Variants in ZNF570 observed in about 807,000 individuals in gnomAD.
The protein encoded by ZNF570 is zinc finger protein 570.
ZNF570 carries 8 observed loss-of-function variants against 14.2 expected under a neutral mutation model. That is an observed-to-expected ratio of 0.56 (90% CI 0.33 to 1.02). The LOEUF is 1.02. Ranked by LOEUF, ZNF570 falls within the 50% of genes least tolerant of loss-of-function variation. The probability of loss-of-function intolerance (pLI) is 0.03; values close to 1 mark genes in which losing one functional copy is unlikely to be tolerated. For synonymous variants in ZNF570, 202 were observed against 207.6 expected, an observed-to-expected ratio of 0.97 and a Z score of 0.23; for missense variants, 559 against 624.9, an observed-to-expected ratio of 0.89 and a Z score of 1.12.
intron 4 of ZNF570, among the ~76,000 whole-genome samples, chr19:37,482,241 T>C (rs574371041): frequency 6.6e-6 from 1 of 152,224 alleles, no homozygotes; most frequent in Non-Finnish European, 1.5e-5. Flanking sequence ...GTTAGGCCAT[T>C]GCACTGCTAT....
chr19:37,473,559 C>T (rs1431367867), intron 2 of ZNF570, among the ~76,000 whole-genome samples: 9 of 151,976 alleles, frequency 5.9e-5, no homozygotes, highest in Admixed American at 5.2e-4. Flanking sequence ...TATCATAGGG[C>T]AACAGTTGAG....
Position 37,483,884 on chromosome 19 carries a change from G to T in ZNF570, c.262G>T (p.Glu88Ter). 6.3e-7 allele frequency: 1 copy of T among 1,590,300 alleles called. No individual in the cohort carries two copies. Among genetic ancestry groups the T allele is most frequent in the Non-Finnish European group, 8.5e-7 (1 of 1,171,056 alleles). Residue 88 changes from glutamate to a stop codon, truncating the protein, a stop_gained, in exon 5 of 5, where the codon GAG becomes TAG. Coordinates refer to ENST00000330173, the MANE Select transcript of ZNF570 (RefSeq NM_144694.5). LOFTEE classifies it low-confidence loss of function (END_TRUNC). ...ELTKGLCSGW[E>*]PICETEELTP... ...TTCTTATTATTACTTTTCAGGCTGG[G>T]AGCCTATATGTGAGACTGAAGAATT...
rs1438157090 is a variant in ZNF570, at chr19:37,483,997, G to A, written c.375G>A (p.Leu125=). 3.1e-6 allele frequency: 5 copies of A among 1,614,012 alleles called. No individual in the cohort carries two copies. In the South Asian group the frequency reaches 5.5e-5, roughly 18 times the overall value. ...GCTATAACCTTGAATACTCCAGTTT[G>A]AGAGAAGAGTGGAAATGTGAGGGCT... is the stretch of plus-strand genomic sequence containing the variant. ...LTSYNLEYSS[L]REEWKCEGYF... The change falls in exon 5 of 5, where the codon TTG becomes TTA. Residue 125 remains leucine, a synonymous_variant. Coordinates refer to ENST00000330173, the MANE Select transcript of ZNF570 (RefSeq NM_144694.5).
At chr19:37,482,229 G>T (rs555839028) in intron 4 of ZNF570, among the ~76,000 whole-genome samples, 138 of 152,300 alleles carry the variant, frequency 9.1e-4, no homozygotes, top group African/African-American at 3.2e-3. Flanking sequence ...GTCTCCATCT[G>T]TGTTAGGCCA....
At position 37,470,333 on chromosome 19, in the gene ZNF570, G is replaced by C. The variant is rs1263946886; in HGVS notation, c.-22G>C. The C allele has an allele frequency of 1.2e-6, 2 of 1,614,052 alleles. No individual in the cohort carries two copies. The highest frequency in any genetic ancestry group is 3.3e-5 in the Admixed American group (2 of 60,008). On this transcript the variant is annotated 5_prime_UTR_variant, in exon 2 of 5. Transcript: ENST00000330173. ...CTGAGGCCACTGCTATTTCCCAAGA[G>C]AAGAGCCAGGAGGAAGAAAGAATGG...
At chr19:37,474,457 C>CTTTTG (rs1290872230) in intron 2 of ZNF570, among the ~76,000 whole-genome samples, 3 of 151,986 alleles carry the variant, frequency 2.0e-5, no homozygotes, top group African/African-American at 7.2e-5. Flanking sequence ...GAGATAGTTT[C>CTTTTG]TTTTGTTTTG....
intron 4 of ZNF570, among the ~76,000 whole-genome samples, chr19:37,482,338 G>C (rs2042096586): frequency 6.6e-6 from 1 of 152,188 alleles, no homozygotes; most frequent in Non-Finnish European, 1.5e-5. Flanking sequence ...AGGAAGCATA[G>C]CGGCATCTTC....
At chr19:37,482,333 G>A (rs1384920816) in intron 4 of ZNF570, among the ~76,000 whole-genome samples, 1 of 152,184 alleles carries the variant, frequency 6.6e-6, no homozygotes, top group Non-Finnish European at 1.5e-5. Context: ...TGTACAGGAA[G>A]CATAGCGGCA....
rs896762189 is a variant in ZNF570, at chr19:37,485,906, G to C, written c.*673G>C. On this transcript the variant is annotated 3_prime_UTR_variant, in exon 5 of 5. Transcript: ENST00000330173. ...AAAAATACAAAATTAGCCGGGCGTG[G>C]TGGTGCACACTTGTAATCCCAGCTA... 3.3e-5 allele frequency: 5 copies of C among 152,238 alleles called. No homozygotes were observed. Among genetic ancestry groups the C allele is most frequent in the African/African-American group, 1.2e-4 (5 of 41,572 alleles). The allele number at this position is 152,238 out of a possible 1,614,324, so 9.4% of individuals were successfully genotyped here. A position where few individuals can be genotyped will look rare whatever the true frequency, so the allele number is the denominator to read the frequency against.
At chr19:37,479,664 T>C (rs2042064637) in intron 4 of ZNF570, among the ~76,000 whole-genome samples, 1 of 152,146 alleles carries the variant, frequency 6.6e-6, no homozygotes, top group African/African-American at 2.4e-5. Context: ...TTTTTTTATA[T>C]TTTGAAGGTA....
upstream of ZNF570, chr19:37,468,916 T>G: frequency 7.7e-6 from 2 of 260,522 alleles, no homozygotes; most frequent in Non-Finnish European, 1.2e-5. Context: ...TCCAGCACAA[T>G]TCTAGGAATT....
chr19:37,474,711 C>T (rs564127787), intron 2 of ZNF570, among the ~76,000 whole-genome samples: 2 of 151,972 alleles, frequency 1.3e-5, no homozygotes, highest in Admixed American at 6.6e-5. Flanking sequence ...CCACCTGCCT[C>T]GGCCTCCCAA....
chr19:37,469,603 C>T (rs151326594), intron 1 of ZNF570, 46 bp downstream of exon 1: 122 of 1,518,736 alleles, frequency 8.0e-5, no homozygotes, highest in Admixed American at 2.4e-4. Flanking sequence ...TGCCTGTCCA[C>T]GTCCTGTGTG....
At position 37,485,494 on chromosome 19, in the gene ZNF570, G is replaced by A; in HGVS notation, c.*261G>A. The A allele has an allele frequency of 3.0e-6, 1 of 335,416 alleles. No individual in the cohort carries two copies. The highest frequency in any genetic ancestry group is 5.0e-5 in the East Asian group (1 of 19,904). 20.8% of individuals were successfully genotyped at this position (335,416 alleles called of 1,614,324 possible). A position where few individuals can be genotyped will look rare whatever the true frequency, so the allele number is the denominator to read the frequency against. On this transcript the variant is annotated 3_prime_UTR_variant, in exon 5 of 5. Transcript: ENST00000330173. ...ACGATCTCAGCTCACTGCAACCTCT[G>A]ACTCCCAGCCTCTGCCTCCAGGGTT...
chr19:37,479,815 T>C (rs2042066274), intron 4 of ZNF570, among the ~76,000 whole-genome samples: 1 of 152,178 alleles, frequency 6.6e-6, no homozygotes. Flanking sequence ...TTGCCTTTTG[T>C]TAATATTTAC....
rs771541406 is a variant in ZNF570 at position 37,484,304 on chromosome 19, A to T, written c.682A>T (p.Ser228Cys). 2 of 1,613,738 alleles carry T rather than the reference A, an allele frequency of 1.2e-6. No homozygotes were observed. Among genetic ancestry groups the T allele is most frequent in the Non-Finnish European group, 1.7e-6 (2 of 1,179,946 alleles). The change falls in exon 5 of 5, where the codon AGC becomes TGC. Residue 228 changes from serine to cysteine, a missense_variant. Coordinates refer to ENST00000330173, the MANE Select transcript of ZNF570 (RefSeq NM_144694.5). ...ATGTAATGACTGTGAAAAAGTCTTC[A>T]GCCAGAGTTCATCCCTTACTCTTCA... The part of the protein sequence containing the change: ...LKCNDCEKVF[S>C]QSSSLTLHQR...
intron 2 of ZNF570, among the ~76,000 whole-genome samples, chr19:37,473,504 C>T (rs1364959071): frequency 1.3e-5 from 2 of 152,068 alleles, no homozygotes; most frequent in African/African-American, 2.4e-5. Flanking sequence ...TGTACTTCTC[C>T]AGAATTTGAT....
At chr19:37,469,194 G>C (rs932644167), upstream of ZNF570, 1 of 1,260,308 alleles carries the variant, frequency 7.9e-7, no homozygotes, top group Non-Finnish European at 1.0e-6. Flanking sequence ...AGGACCTGGT[G>C]GGGAGGAGGC....
chr19:37,479,431 T>C (rs2042061816), intron 4 of ZNF570, among the ~76,000 whole-genome samples: 1 of 152,238 alleles, frequency 6.6e-6, no homozygotes, highest in Admixed American at 6.5e-5. Context: ...TTGGTAAATA[T>C]TCTTTGTGTC....
Sources: gnomAD v4.1 joint callset for allele counts (sites outside exome capture counted in the v4.1 genomes callset) on GRCh38, gnomAD v4.1.1 for gene constraint, MANE v1.5 for transcripts, NCBI Gene and HGNC (gene_info 2026-07-23, HGNC 2026-07-21) for gene names.